DOCK11: variants seen among roughly 807,000 people sequenced by gnomAD.
The protein encoded by DOCK11 is dedicator of cytokinesis 11.
Under a neutral mutation model 169.1 loss-of-function variants are expected in DOCK11, and 70 were observed. The observed-to-expected ratio is 0.41, with a 90% CI of 0.34 to 0.51. DOCK11 has a LOEUF of 0.51. Among genes scored for constraint, DOCK11 ranks in the 20% least tolerant of loss-of-function variants. The pLI is 0.10. For missense variants in DOCK11, 1,166 were observed against 1,538.8 expected, an observed-to-expected ratio of 0.76 and a Z score of 4.05; for synonymous variants, 529 against 541.3, an observed-to-expected ratio of 0.98 and a Z score of 0.32.
At chrX:118,592,694 A>G (rs2014039644) in intron 19 of DOCK11, among the ~76,000 whole-genome samples, 1 of 112,389 alleles carries the variant, frequency 8.9e-6, no homozygotes, top group Non-Finnish European at 1.9e-5. Flanking sequence ...TTTCATCTTT[A>G]AGAGCAAAGT....
chrX:118,545,040 C>T (rs2012211109), intron 4 of DOCK11, among the ~76,000 whole-genome samples: 1 of 109,700 alleles, frequency 9.1e-6, no homozygotes, highest in African/African-American at 3.3e-5. Context: ...GGTTCCTTAG[C>T]AACTTCTGCC....
rs527268269 is a variant in DOCK11 at position 118,563,642 on chromosome X, C to T, written c.693+2125C>T. On this transcript the variant is annotated intron_variant, in intron 7 of 52. Transcript: ENST00000276202. ...GGAAGAACGAGGCACACACAATTTC[C>T]GGATTGACCTTTCTTTGTAGTGCTT... Among the ~76,000 whole-genome samples the T allele has an allele frequency of 1.0e-4, 11 of 108,000 alleles. No homozygotes were observed. The South Asian group carries it at 2.0e-3, about 20-fold the overall frequency. 93.8% of individuals were successfully genotyped at this position (108,000 alleles called of 115,157 possible).
intron 1 of DOCK11, among the ~76,000 whole-genome samples, chrX:118,502,692 C>T (rs1014691442): frequency 2.3e-4 from 26 of 111,259 alleles, no homozygotes; most frequent in African/African-American, 8.2e-4. Context: ...TTGGGAATAA[C>T]GAAGGTAACA....
intron 46 of DOCK11, among the ~76,000 whole-genome samples, chrX:118,672,942 A>G (rs1029948773): frequency 8.9e-6 from 1 of 112,200 alleles, no homozygotes; most frequent in African/African-American, 3.2e-5. Context: ...CTGAAAACTC[A>G]TAGTAGAATT....
intron 6 of DOCK11, among the ~76,000 whole-genome samples, chrX:118,556,598 TA>T (rs1461766302): frequency 3.8e-5 from 4 of 104,408 alleles, no homozygotes; most frequent in East Asian, 3.1e-4. Context: ...AAAATAAAAA[TA>T]AAAAAAAATT....
At chrX:118,636,823 G>T (rs1175082601) in intron 36 of DOCK11, among the ~76,000 whole-genome samples, 1 of 98,264 alleles carries the variant, frequency 1.0e-5, no homozygotes, top group Non-Finnish European at 2.0e-5. Context: ...CTGTGTATTT[G>T]TGTGTACACA....
chrX:118,583,354 A>G (rs1360884965), intron 14 of DOCK11, among the ~76,000 whole-genome samples: 1 of 110,540 alleles, frequency 9.0e-6, no homozygotes, highest in African/African-American at 3.3e-5. Context: ...GGTACAGCAA[A>G]CCACCATGGC....
At chrX:118,621,860 C>T (rs1472185795) in intron 31 of DOCK11, among the ~76,000 whole-genome samples, 1 of 111,430 alleles carries the variant, frequency 9.0e-6, no homozygotes, top group Non-Finnish European at 1.9e-5. Context: ...GTCTTGATCT[C>T]CTGACCTCGT....
chrX:118,637,363 G>A (rs1335288830), intron 36 of DOCK11, among the ~76,000 whole-genome samples: 3 of 111,418 alleles, frequency 2.7e-5, no homozygotes, highest in East Asian at 2.8e-4. Flanking sequence ...ACTTTTGTAC[G>A]CGTTTGAAAT....
intron 1 of DOCK11, among the ~76,000 whole-genome samples, chrX:118,505,550 C>G (rs2057605880): frequency 8.9e-6 from 1 of 112,044 alleles, no homozygotes; most frequent in South Asian, 3.7e-4. Flanking sequence ...AGATGATGCC[C>G]CAAAGGGGTG....
chrX:118,499,164 T>A (rs2057557168), intron 1 of DOCK11, among the ~76,000 whole-genome samples: 1 of 112,223 alleles, frequency 8.9e-6, no homozygotes, highest in African/African-American at 3.2e-5. Context: ...GAGTTTTAAA[T>A]TTTTAAATTG....
At chrX:118,514,187 G>A (rs1819755725) in intron 1 of DOCK11, among the ~76,000 whole-genome samples, 1 of 109,790 alleles carries the variant, frequency 9.1e-6, no homozygotes, top group South Asian at 3.9e-4. Flanking sequence ...TGAAGAGGGT[G>A]CCTGCTTCTC....
rs1017162995 is a variant in DOCK11 at position 118,572,535 on chromosome X, T to G, written c.1176+72T>G. The G allele has an allele frequency of 2.9e-5, 30 of 1,028,341 alleles. No individual in the cohort carries two copies. The African/African-American group carries it at 5.3e-4, about 18-fold the overall frequency. The allele number at this position is 1,028,341 out of a possible 1,213,427, so 84.7% of individuals were successfully genotyped here. ...GAAATGTCTTTCTCAAAATAATTTGTACACCAAACCTCCGTGACATGCAAT... is the reference window on the plus strand; with the variant it reads ...GAAATGTCTTTCTCAAAATAATTTGGACACCAAACCTCCGTGACATGCAAT... On this transcript the variant is annotated intron_variant, in intron 11 of 52. Coordinates refer to ENST00000276202, the MANE Select transcript of DOCK11 (RefSeq NM_144658.4).
At chrX:118,626,549 C>T (rs990387040) in intron 32 of DOCK11, among the ~76,000 whole-genome samples, 2 of 111,923 alleles carry the variant, frequency 1.8e-5, no homozygotes, top group Non-Finnish European at 3.8e-5. Context: ...TGGCTGGCCA[C>T]GTAATATTGT....
intron 1 of DOCK11, among the ~76,000 whole-genome samples, chrX:118,504,712 C>G (rs755504767): frequency 8.9e-6 from 1 of 112,081 alleles, no homozygotes; most frequent in Non-Finnish European, 1.9e-5. Flanking sequence ...ATCAGGCATG[C>G]AGAGGAGTTG....
chrX:118,521,321 G>A (rs948006368), intron 1 of DOCK11, among the ~76,000 whole-genome samples: 1 of 112,160 alleles, frequency 8.9e-6, no homozygotes, highest in Non-Finnish European at 1.9e-5. Flanking sequence ...ACCGCATAAG[G>A]TAAGCATGAG....
Position 118,565,994 on chromosome X carries a change from C to A in DOCK11, c.694-11C>A. The stretch of plus-strand genomic sequence containing the variant: ...TAAACTAACTGAACACATACTTTTT[C>A]TCCCCTCTAGTGCCCCAAAATGCGC... On this transcript the variant is annotated splice_polypyrimidine_tract_variant and intron_variant, in intron 7 of 52. Transcript: ENST00000276202. The A allele has an allele frequency of 1.7e-6, 2 of 1,203,984 alleles. No homozygotes were observed. The highest frequency in any genetic ancestry group is 2.2e-6 in the Non-Finnish European group (2 of 891,222).
intron 1 of DOCK11, among the ~76,000 whole-genome samples, chrX:118,537,964 A>G (rs1243278366): frequency 1.8e-5 from 2 of 112,094 alleles, no homozygotes; most frequent in Non-Finnish European, 3.8e-5. Context: ...TTTGGTCCTT[A>G]GTGGCCTGAG....
chrX:118,643,691 A>G, intron 40 of DOCK11, 97 bp downstream of exon 40: 1 of 950,130 alleles, frequency 1.1e-6, no homozygotes, highest in Middle Eastern at 3.0e-4. Flanking sequence ...ATACAATGCC[A>G]GCTCATGAAG....
Sources: gnomAD v4.1 joint callset for allele counts (sites outside exome capture counted in the v4.1 genomes callset) on GRCh38, gnomAD v4.1.1 for gene constraint, MANE v1.5 for transcripts, NCBI Gene and HGNC (gene_info 2026-07-23, HGNC 2026-07-21) for gene names.